Variants in DNMT3B observed in about 807,000 individuals in gnomAD.
The protein encoded by DNMT3B is DNA methyltransferase 3 beta, also known as DNA (cytosine-5)-methyltransferase 3B.
In DNMT3B, 37 loss-of-function variants were observed where a neutral mutation model predicts 120.2. The observed-to-expected ratio is 0.31, with a 90% confidence interval of 0.24 to 0.40. The LOEUF is 0.40. Ranked by LOEUF, DNMT3B falls within the 10% of genes least tolerant of loss-of-function variation. The probability of loss-of-function intolerance (pLI) is 1.00; values close to 1 mark genes in which losing one functional copy is unlikely to be tolerated. For synonymous variants in DNMT3B, 412 were observed against 442.8 expected (o/e 0.93, Z 0.87); for missense variants, 878 against 1,137.3 (o/e 0.77, Z 3.28).
chr20:32,800,738 A>G, intron 17 of DNMT3B, 97 bp from the exon 18 acceptor site: 1 of 1,361,188 alleles, frequency 7.3e-7, no homozygotes, highest in Non-Finnish European at 1.1e-6. Flanking sequence ...TACAGGTGTG[A>G]GCCACCTCGT....
At chr20:32,799,913 A>C (rs1217503897) in intron 16 of DNMT3B, among the ~76,000 whole-genome samples, 1 of 137,598 alleles carries the variant, frequency 7.3e-6, no homozygotes, top group Admixed American at 7.7e-5. Context: ...CACATGCATA[A>C]GTATAATTGG....
chr20:32,789,824 C>G (rs1364161577), intron 7 of DNMT3B, among the ~76,000 whole-genome samples: 5 of 152,218 alleles, frequency 3.3e-5, no homozygotes, highest in African/African-American at 1.2e-4. Context: ...CAACTCCTGA[C>G]CTCAGATGAT....
At chr20:32,797,770 G>A (rs1468300029) in intron 14 of DNMT3B, among the ~76,000 whole-genome samples, 7 of 151,606 alleles carry the variant, frequency 4.6e-5, no homozygotes, top group South Asian at 2.1e-4. Context: ...AGCAATTCTC[G>A]TGCCTCAGCC....
intron 1 of DNMT3B, among the ~76,000 whole-genome samples, chr20:32,779,191 T>C (rs961720602): frequency 2.6e-5 from 4 of 152,180 alleles, no homozygotes; most frequent in Non-Finnish European, 5.9e-5. Context: ...GGTCTCATTA[T>C]GCCTAGGCTT....
chr20:32,774,069 G>A (rs1000936363), intron 1 of DNMT3B, among the ~76,000 whole-genome samples: 5 of 149,800 alleles, frequency 3.3e-5, no homozygotes, highest in African/African-American at 7.3e-5. Flanking sequence ...TTCTGCTGCC[G>A]CCGCCAGTGT....
chr20:32,774,403 G>A (rs1987943269), intron 1 of DNMT3B, among the ~76,000 whole-genome samples: 1 of 151,056 alleles, frequency 6.6e-6, no homozygotes, highest in East Asian at 2.0e-4. Context: ...TAGAGACGGG[G>A]TTTCATCATG....
intron 6 of DNMT3B, among the ~76,000 whole-genome samples, chr20:32,787,764 A>G (rs890475223): frequency 6.6e-6 from 1 of 152,204 alleles, no homozygotes; most frequent in Non-Finnish European, 1.5e-5. Context: ...TGAAGAGACC[A>G]CCAAACAGGC....
At chr20:32,792,841 C>T (rs1345887254) in intron 9 of DNMT3B, 71 bp downstream of exon 9, 100 of 1,596,922 alleles carry the variant, frequency 6.3e-5, no homozygotes, top group Non-Finnish European at 6.8e-6. Context: ...GAGTCAGCCA[C>T]CCCTGCTGCC....
intron 15 of DNMT3B, 133 bp downstream of exon 15, chr20:32,798,776 C>T (rs1980970389): frequency 1.5e-6 from 2 of 1,324,350 alleles, no homozygotes; most frequent in Non-Finnish European, 2.1e-6. Context: ...GGCTGAGAGA[C>T]CTGGCGAATT....
In DNMT3B at chr20:32,780,314, A is replaced by C; in HGVS notation, c.-6-4A>C. The C allele has an allele frequency of 6.2e-7, 1 of 1,613,914 alleles. No homozygotes were observed. Among genetic ancestry groups the C allele is most frequent in the Non-Finnish European group, 8.5e-7 (1 of 1,180,006 alleles). On this transcript the variant is annotated splice_polypyrimidine_tract_variant and splice_region_variant and intron_variant, in intron 1 of 22. Coordinates refer to ENST00000328111, the MANE Select transcript of DNMT3B (RefSeq NM_006892.4). The stretch of plus-strand genomic sequence containing the variant: ...CACCCCACCCATTCTGGCTTCTCCC[A>C]CAGGAAAGCATGAAGGGAGACACCA...
chr20:32,806,090 C>A lies in DNMT3B; in HGVS notation c.2302-119C>A, dbSNP rs1981948467. The A allele has an allele frequency of 4.3e-6, 4 of 926,374 alleles. No individual in the cohort carries two copies. The East Asian group carries it at 9.6e-5, about 22-fold the overall frequency. 57.4% of individuals were successfully genotyped at this position (926,374 alleles called of 1,614,324 possible). A position where few individuals can be genotyped will look rare whatever the true frequency, so the allele number is the denominator to read the frequency against. On this transcript the variant is annotated intron_variant, in intron 21 of 22. Transcript: ENST00000328111. ...TTCCCAGGTACTTTTCTCTCCCAGCCCTGCCACTCTTCTGCCGCACCTGCG... is the reference window on the plus strand; with the variant it reads ...TTCCCAGGTACTTTTCTCTCCCAGCACTGCCACTCTTCTGCCGCACCTGCG...
chr20:32,789,151 C>T (rs1252523199), intron 7 of DNMT3B, 139 bp downstream of exon 7: 1 of 1,320,612 alleles, frequency 7.6e-7, no homozygotes, highest in South Asian at 1.5e-5. Flanking sequence ...AAGGACAAAA[C>T]TTCCTGTGTT....
At chr20:32,794,595 C>T (rs974831619) in intron 10 of DNMT3B, among the ~76,000 whole-genome samples, 10 of 151,544 alleles carry the variant, frequency 6.6e-5, no homozygotes, top group Admixed American at 3.3e-4. Context: ...ATCCAGGAGG[C>T]GGAGGTTGCA....
At position 32,805,248 on chromosome 20, in the gene DNMT3B, T is replaced by C. The variant is rs893248679; in HGVS notation, c.2232-90T>C. 4 of 1,483,548 alleles carry C rather than the reference T, an allele frequency of 2.7e-6. No homozygotes were observed. In the African/African-American group the frequency reaches 5.5e-5, roughly 21 times the overall value. 91.9% of individuals were successfully genotyped at this position (1,483,548 alleles called of 1,614,324 possible). On this transcript the variant is annotated intron_variant, in intron 20 of 22. Coordinates refer to ENST00000328111, the MANE Select transcript of DNMT3B (RefSeq NM_006892.4). Reference sequence around the variant, plus strand: ...TAGCCAAGTTCACTGCCAGGGCACATCTCTGCAACATAGACCCTCACTCCC... The same window carrying C: ...TAGCCAAGTTCACTGCCAGGGCACACCTCTGCAACATAGACCCTCACTCCC...
intron 20 of DNMT3B, among the ~76,000 whole-genome samples, chr20:32,803,760 C>A (rs1344760369): frequency 6.6e-6 from 1 of 152,132 alleles, no homozygotes; most frequent in African/African-American, 2.4e-5. Context: ...TGGGAAACAT[C>A]CCCAGACCAG....
At chr20:32,779,817 G>A in intron 1 of DNMT3B, 1 of 556,238 alleles carries the variant, frequency 1.8e-6, no homozygotes, top group Non-Finnish European at 3.2e-6. Flanking sequence ...TGGGGGAGGA[G>A]GGGGTGGGTG....
intron 1 of DNMT3B, among the ~76,000 whole-genome samples, chr20:32,773,451 TGGTGCTGTGGTGG>T (rs1364687066): frequency 6.6e-6 from 1 of 152,034 alleles, no homozygotes. Flanking sequence ...CCCTGTGGTG[TGGTGCTGTGGTGG>T]GTAGCCAGAT....
In DNMT3B at chr20:32,808,107, G is replaced by A; in HGVS notation, c.*204G>A. On this transcript the variant is annotated 3_prime_UTR_variant, in exon 23 of 23. Coordinates refer to ENST00000328111, the MANE Select transcript of DNMT3B (RefSeq NM_006892.4). Reference sequence around the variant, plus strand: ...GTGCCGCCTCCTTGTGCACAAATCAGACCTGGCTGCTTGGAGCAGCCTAAC... The same window carrying A: ...GTGCCGCCTCCTTGTGCACAAATCAAACCTGGCTGCTTGGAGCAGCCTAAC... The A allele has an allele frequency of 1.3e-6, 1 of 793,298 alleles. No homozygotes were observed. Among genetic ancestry groups the A allele is most frequent in the East Asian group, 2.7e-5 (1 of 36,432 alleles). 49.1% of individuals were successfully genotyped at this position (793,298 alleles called of 1,614,324 possible). A position where few individuals can be genotyped will look rare whatever the true frequency, so the allele number is the denominator to read the frequency against.
chr20:32,768,610 G>A (rs893307074), intron 1 of DNMT3B, among the ~76,000 whole-genome samples: 1 of 152,052 alleles, frequency 6.6e-6, no homozygotes, highest in Non-Finnish European at 1.5e-5. Flanking sequence ...ACCATGCCTG[G>A]TCCCTTGCCT....
Sources: gnomAD v4.1 joint callset for allele counts (sites outside exome capture counted in the v4.1 genomes callset) on GRCh38, gnomAD v4.1.1 for gene constraint, MANE v1.5 for transcripts, NCBI Gene and HGNC (gene_info 2026-07-23, HGNC 2026-07-21) for gene names.